Variants in AGBL4 observed in about 807,000 individuals in gnomAD.
AGBL4 encodes cytosolic carboxypeptidase 6.
Under a neutral mutation model 66.4 loss-of-function variants are expected in AGBL4, and 58 were observed. The ratio of observed to expected loss-of-function variants is 0.87; its 90% CI spans 0.71 to 1.09. The LOEUF is 1.09. Ranked by LOEUF, AGBL4 falls within the 50% of genes least tolerant of loss-of-function variation. AGBL4 has a pLI of 0.00. For missense variants in AGBL4, 579 were observed against 631.0 expected (o/e 0.92, Z 0.88); for synonymous variants, 234 against 222.9 (o/e 1.05, Z -0.44).
intron 4 of AGBL4, among the ~76,000 whole-genome samples, chr1:49,236,239 G>T (rs1024445014): frequency 2.6e-5 from 4 of 152,008 alleles, no homozygotes; most frequent in Admixed American, 6.6e-5. Flanking sequence ...TGTTGGCCAG[G>T]CTGGTCACAA....
At chr1:49,352,668 G>A (rs1643935567) in intron 3 of AGBL4, among the ~76,000 whole-genome samples, 1 of 152,084 alleles carries the variant, frequency 6.6e-6, no homozygotes, top group Non-Finnish European at 1.5e-5. Flanking sequence ...ATAGCACCAG[G>A]AGCAGAGGAA....
intron 1 of AGBL4, among the ~76,000 whole-genome samples, chr1:49,948,051 A>ATTTTTATATATATTT (rs1557608031): frequency 1.2e-5 from 1 of 85,272 alleles, no homozygotes; most frequent in African/African-American, 5.7e-5. Flanking sequence ...TAAATATATA[A>ATTTTTATATATATTT]ATATATATAT....
chr1:49,000,003 C>G (rs1661289755), intron 5 of AGBL4, among the ~76,000 whole-genome samples: 2 of 152,166 alleles, frequency 1.3e-5, no homozygotes, highest in African/African-American at 4.8e-5. Context: ...TGCTGTTTGT[C>G]TAGGTAACTT....
At chr1:49,257,660 G>A (rs185979168) in intron 3 of AGBL4, among the ~76,000 whole-genome samples, 1 of 152,182 alleles carries the variant, frequency 6.6e-6, no homozygotes, top group East Asian at 1.9e-4. Flanking sequence ...GCTCATGCAC[G>A]GTGCGCTGCA....
chr1:49,531,782 T>C (rs1030634101), intron 3 of AGBL4, among the ~76,000 whole-genome samples: 4 of 152,018 alleles, frequency 2.6e-5, no homozygotes, highest in African/African-American at 7.2e-5. Flanking sequence ...CAAATGCCCA[T>C]GGTTTTCCTA....
chr1:49,172,117 A>G (rs911568986), intron 4 of AGBL4, among the ~76,000 whole-genome samples: 1 of 152,238 alleles, frequency 6.6e-6, no homozygotes, highest in African/African-American at 2.4e-5. Context: ...ACAGACACAG[A>G]TGACTAAGAA....
At chr1:49,450,190 G>A (rs140780587) in intron 3 of AGBL4, among the ~76,000 whole-genome samples, 2 of 152,168 alleles carry the variant, frequency 1.3e-5, no homozygotes, top group East Asian at 3.9e-4. Context: ...GAAAAGAGAT[G>A]AGTTTAGAAA....
chr1:48,582,291 C>T (rs1644751676), intron 11 of AGBL4, among the ~76,000 whole-genome samples: 1 of 152,102 alleles, frequency 6.6e-6, no homozygotes, highest in African/African-American at 2.4e-5. Context: ...ATTGATAATC[C>T]ATGGATTATT....
At chr1:48,741,577 G>C (rs1385158238) in intron 6 of AGBL4, among the ~76,000 whole-genome samples, 3 of 152,244 alleles carry the variant, frequency 2.0e-5, no homozygotes, top group Non-Finnish European at 4.4e-5. Context: ...CCACATCCAA[G>C]AGAGTCCTGA....
intron 3 of AGBL4, among the ~76,000 whole-genome samples, chr1:49,390,870 T>G (rs1056719338): frequency 6.6e-5 from 10 of 152,158 alleles, no homozygotes; most frequent in Admixed American, 6.5e-5. Context: ...CTTGAGAATA[T>G]AACACTTTCT....
intron 2 of AGBL4, among the ~76,000 whole-genome samples, chr1:49,703,933 A>G (rs1309198270): frequency 2.0e-5 from 3 of 152,102 alleles, no homozygotes; most frequent in Non-Finnish European, 2.9e-5. Flanking sequence ...CAATGGCACT[A>G]CCAGCAAAAA....
chr1:49,955,693 C>A (rs575636574), intron 1 of AGBL4, among the ~76,000 whole-genome samples: 123 of 151,914 alleles, frequency 8.1e-4, no homozygotes, highest in African/African-American at 2.9e-3. Flanking sequence ...AGCCTAAGGG[C>A]AATTCTGGGT....
At chr1:49,291,128 A>G (rs1644525105) in intron 3 of AGBL4, among the ~76,000 whole-genome samples, 1 of 152,246 alleles carries the variant, frequency 6.6e-6, no homozygotes, top group Non-Finnish European at 1.5e-5. Context: ...GAGGTCCTGG[A>G]AGAAATCCTC....
At chr1:49,266,608 A>AACACACACAC (rs71307610) in intron 3 of AGBL4, among the ~76,000 whole-genome samples, 12 of 149,644 alleles carry the variant, frequency 8.0e-5, no homozygotes, top group African/African-American at 1.2e-4. Context: ...ATAAACCTGT[A>AACACACACAC]ACACACACAC....
rs150235238 is a variant in AGBL4 at position 49,727,471 on chromosome 1, C to T, written c.158-30034G>A. Among the ~76,000 whole-genome samples the T allele has an allele frequency of 2.8e-4, 43 of 152,130 alleles. No homozygotes were observed. In the East Asian group the frequency reaches 7.6e-3, roughly 27 times the overall value. ...ATATCTCTTTCCATATGAGAAAGAA[C>T]ACTCGAAAATAATGTATTAAGAGTC... On this transcript the variant is annotated intron_variant, in intron 2 of 13. Transcript: ENST00000371839.
intron 4 of AGBL4, among the ~76,000 whole-genome samples, chr1:49,106,451 T>C (rs1645294742): frequency 1.3e-5 from 2 of 152,184 alleles, no homozygotes; most frequent in South Asian, 4.1e-4. Context: ...GTGTGGAAGA[T>C]ACTGCTTGGA....
intron 1 of AGBL4, among the ~76,000 whole-genome samples, chr1:49,925,012 G>A (rs2148249145): frequency 6.6e-6 from 1 of 152,326 alleles, no homozygotes; most frequent in Admixed American, 6.5e-5. Flanking sequence ...TAAATGGGAA[G>A]AAGAGGAGCC....
intron 5 of AGBL4, among the ~76,000 whole-genome samples, chr1:49,011,948 G>A (rs1557558085): frequency 6.6e-6 from 1 of 151,204 alleles, no homozygotes; most frequent in Non-Finnish European, 1.5e-5. Flanking sequence ...AAGTTAGTGG[G>A]TGCAGCACAC....
intron 9 of AGBL4, among the ~76,000 whole-genome samples, chr1:48,609,215 A>G (rs1351196250): frequency 6.6e-6 from 1 of 152,164 alleles, no homozygotes; most frequent in East Asian, 1.9e-4. Flanking sequence ...CATGGCTGGA[A>G]ATAAATTTCC....
Sources: gnomAD v4.1 joint callset for allele counts (sites outside exome capture counted in the v4.1 genomes callset) on GRCh38, gnomAD v4.1.1 for gene constraint, MANE v1.5 for transcripts, NCBI Gene and HGNC (gene_info 2026-07-23, HGNC 2026-07-21) for gene names.